Variants in ITFG1 observed in about 807,000 individuals in gnomAD.
ITFG1 encodes the protein T-cell immunomodulatory protein.
Under a neutral mutation model 81.8 loss-of-function variants are expected in ITFG1, and 34 were observed. The observed-to-expected ratio is 0.42, with a 90% CI of 0.32 to 0.55. The LOEUF (loss-of-function observed/expected upper bound fraction) is 0.55, where lower values mean the gene tolerates loss of function less well. Among genes scored for constraint, ITFG1 ranks in the 20% least tolerant of loss-of-function variants. The pLI is 0.17. For synonymous variants in ITFG1, 285 were observed against 270.6 expected (o/e 1.05, Z -0.52); for missense variants, 672 against 755.4 (o/e 0.89, Z 1.29).
intron 6 of ITFG1, among the ~76,000 whole-genome samples, chr16:47,418,654 A>G (rs747949659): frequency 6.6e-6 from 1 of 152,186 alleles, no homozygotes; most frequent in East Asian, 1.9e-4. Flanking sequence ...TCCATGACGT[A>G]TAATCTTGGT....
rs769942361 is a variant in ITFG1 at position 47,375,861 on chromosome 16, GAA to G, written c.720+13_720+14del. 6.6e-7 allele frequency: 1 copy of G among 1,518,656 alleles called. No homozygotes were observed. Among genetic ancestry groups the G allele is most frequent in the African/African-American group, 1.4e-5 (1 of 72,992 alleles). The allele number at this position is 1,518,656 out of a possible 1,614,324, so 94.1% of individuals were successfully genotyped here. Reference sequence around the variant, plus strand: ...AGCCATCATTTTAAAATGCTTCAAGGAAAAGATTTCTTACCAAATTTTCCCAT... The same window carrying G: ...AGCCATCATTTTAAAATGCTTCAAGGAAGATTTCTTACCAAATTTTCCCAT... On this transcript the variant is annotated intron_variant, in intron 7 of 17. Coordinates refer to ENST00000320640, the MANE Select transcript of ITFG1 (RefSeq NM_030790.5).
intron 8 of ITFG1, among the ~76,000 whole-genome samples, chr16:47,348,904 T>C (rs1330014821): frequency 6.6e-6 from 1 of 152,210 alleles, no homozygotes; most frequent in Non-Finnish European, 1.5e-5. Context: ...GGGGCCAATA[T>C]TCAACATTCT....
At position 47,453,995 on chromosome 16, in the gene ITFG1, T is replaced by A. The variant is rs1375599886; in HGVS notation, c.427+18A>T. On this transcript the variant is annotated intron_variant, in intron 3 of 17. Coordinates refer to ENST00000320640, the MANE Select transcript of ITFG1 (RefSeq NM_030790.5). ...CATATTCAATGATAAATATTAAAAA[T>A]TTTTAAAACAAATTCACCTAATGTT... 4.6e-6 allele frequency: 7 copies of A among 1,522,844 alleles called. No individual in the cohort carries two copies. The highest frequency in any genetic ancestry group is 2.0e-5 in the Admixed American group (1 of 50,100). 94.3% of individuals were successfully genotyped at this position (1,522,844 alleles called of 1,614,324 possible).
intron 10 of ITFG1, among the ~76,000 whole-genome samples, chr16:47,302,501 G>T (rs902231920): frequency 3.3e-5 from 5 of 152,100 alleles, no homozygotes; most frequent in Admixed American, 3.3e-4. Flanking sequence ...CACCTCCTCT[G>T]CCTGGGCTCC....
At chr16:47,264,626 T>C (rs565434258) in intron 10 of ITFG1, among the ~76,000 whole-genome samples, 30 of 151,340 alleles carry the variant, frequency 2.0e-4, no homozygotes, top group Non-Finnish European at 3.7e-4. Flanking sequence ...TGGGAACTTG[T>C]ACGAGAAATT....
chr16:47,211,828 TG>T (rs1965564934), intron 14 of ITFG1, among the ~76,000 whole-genome samples: 4 of 152,198 alleles, frequency 2.6e-5, no homozygotes, highest in Admixed American at 2.0e-4. Context: ...TTTTTAATCT[TG>T]AACTGGCATT....
At chr16:47,229,658 T>TG (rs1175433453) in intron 13 of ITFG1, among the ~76,000 whole-genome samples, 1 of 147,846 alleles carries the variant, frequency 6.8e-6, no homozygotes, top group Non-Finnish European at 1.5e-5. Context: ...GGGACAGTTG[T>TG]GGGGAAAGAA....
chr16:47,347,494 G>C (rs530498517), intron 8 of ITFG1, among the ~76,000 whole-genome samples: 1 of 152,204 alleles, frequency 6.6e-6, no homozygotes, highest in African/African-American at 2.4e-5. Context: ...GCAGGGCTGC[G>C]GGAGGGGCGC....
At chr16:47,192,541 G>A (rs565731617) in intron 14 of ITFG1, among the ~76,000 whole-genome samples, 4 of 152,266 alleles carry the variant, frequency 2.6e-5, no homozygotes, top group African/African-American at 7.2e-5. Context: ...AAGGCGTCAG[G>A]GGAGGGTAAG....
chr16:47,277,135 G>A (rs1966405914), intron 10 of ITFG1, among the ~76,000 whole-genome samples: 1 of 152,072 alleles, frequency 6.6e-6, no homozygotes, highest in Non-Finnish European at 1.5e-5. Context: ...TATTGTGGCA[G>A]CTTATACACA....
At chr16:47,218,721 C>G in intron 14 of ITFG1, 147 bp downstream of exon 14, 1 of 404,520 alleles carries the variant, frequency 2.5e-6, no homozygotes, top group Admixed American at 4.5e-5. Flanking sequence ...TATAATCTAC[C>G]AATGTAAGTC....
chr16:47,423,771 C>A (rs1200254164), intron 6 of ITFG1, among the ~76,000 whole-genome samples: 1 of 152,224 alleles, frequency 6.6e-6, no homozygotes, highest in African/African-American at 2.4e-5. Context: ...TCTCTTCTGG[C>A]TTGTAGGTTT....
intron 7 of ITFG1, among the ~76,000 whole-genome samples, chr16:47,367,147 A>AGATG (rs1405331870): frequency 6.6e-6 from 1 of 152,236 alleles, no homozygotes; most frequent in East Asian, 1.9e-4. Flanking sequence ...AGGATATTAC[A>AGATG]AAGGATACAG....
chr16:47,361,775 T>G (rs959797278), intron 8 of ITFG1, among the ~76,000 whole-genome samples: 2 of 152,212 alleles, frequency 1.3e-5, no homozygotes, highest in African/African-American at 4.8e-5. Context: ...GGTCTTTTCT[T>G]GGTCTTCTTT....
intron 6 of ITFG1, among the ~76,000 whole-genome samples, chr16:47,394,088 T>C (rs1413298436): frequency 6.6e-6 from 1 of 152,164 alleles, no homozygotes; most frequent in African/African-American, 2.4e-5. Flanking sequence ...AGCAGCAGGA[T>C]TTAAGAACTT....
chr16:47,162,680 TAA>T lies in ITFG1; in HGVS notation c.1454-18_1454-17del. The T allele has an allele frequency of 6.4e-7, 1 of 1,550,958 alleles. No homozygotes were observed. On this transcript the variant is annotated splice_polypyrimidine_tract_variant and intron_variant, in intron 14 of 17. Coordinates refer to ENST00000320640, the MANE Select transcript of ITFG1 (RefSeq NM_030790.5). ...AGTTGGCCAGCTAGAGTTATTCAATTAAAAAAAAATTAAAAACATCTCTGGAA... is the reference window on the plus strand; with the variant it reads ...AGTTGGCCAGCTAGAGTTATTCAATTAAAAAAATTAAAAACATCTCTGGAA...
intron 8 of ITFG1, among the ~76,000 whole-genome samples, chr16:47,340,266 G>C (rs1967763558): frequency 6.6e-6 from 1 of 152,000 alleles, no homozygotes; most frequent in Non-Finnish European, 1.5e-5. Context: ...AAGTATAAAA[G>C]CCAGTATTAT....
intron 11 of ITFG1, among the ~76,000 whole-genome samples, chr16:47,260,039 C>G (rs983378102): frequency 1.3e-5 from 2 of 151,386 alleles, no homozygotes; most frequent in African/African-American, 4.9e-5. Flanking sequence ...CCCGGGTTCA[C>G]GCCATTCTCC....
rs781368636 is a variant in ITFG1 at position 47,426,762 on chromosome 16, TAATC to T, written c.655+2038_655+2041del. Among the ~76,000 whole-genome samples the T allele has an allele frequency of 2.3e-4, 35 of 152,110 alleles. 1 individual carries two copies. Among genetic ancestry groups the T allele is most frequent in the Admixed American group, 1.3e-4 (2 of 15,268 alleles). On this transcript the variant is annotated intron_variant, in intron 6 of 17. Transcript: ENST00000320640. ...AATGAAAATGTTGTAGCAAAAGTCATAATCAATCCAGAATTAAGAGGTTTAAATT... is the reference window on the plus strand; with the variant it reads ...AATGAAAATGTTGTAGCAAAAGTCATAATCCAGAATTAAGAGGTTTAAATT...
Sources: gnomAD v4.1 joint callset for allele counts (sites outside exome capture counted in the v4.1 genomes callset) on GRCh38, gnomAD v4.1.1 for gene constraint, MANE v1.5 for transcripts, NCBI Gene and HGNC (gene_info 2026-07-23, HGNC 2026-07-21) for gene names.